Variants in RAB38 observed in about 807,000 individuals in gnomAD.
RAB38 encodes the protein ras-related protein Rab-38.
In RAB38, 15 loss-of-function variants were observed where a neutral mutation model predicts 18.4. The observed-to-expected ratio is 0.82, with a 90% CI of 0.55 to 1.26. The LOEUF is 1.26. Among genes scored for constraint, RAB38 ranks in the 50% most tolerant of loss-of-function variants. RAB38 has a pLI of 0.00. For synonymous variants in RAB38, 101 were observed against 104.4 expected (o/e 0.97, Z 0.20); for missense variants, 294 against 267.4 (o/e 1.10, Z -0.69).
chr11:87,885,721 TTTC>T, the RAB38 span, among the ~76,000 whole-genome samples: 1 of 151,972 alleles, frequency 6.6e-6, no homozygotes, highest in African/African-American at 2.4e-5. Flanking sequence ...CTCATTTTTG[TTTC>T]TTCTTAAAGC....
chr11:88,123,033 C>T (rs1007363797), intron 2 of RAB38, among the ~76,000 whole-genome samples: 3 of 152,160 alleles, frequency 2.0e-5, no homozygotes, highest in South Asian at 2.1e-4. Context: ...TCTTGTTAAA[C>T]GATATACACA....
At chr11:88,067,709 A>T in the RAB38 span, among the ~76,000 whole-genome samples, 4 of 152,094 alleles carry the variant, frequency 2.6e-5, no homozygotes, top group African/African-American at 9.7e-5. Flanking sequence ...TCTATCAAAA[A>T]AAATGAGAAC....
the RAB38 span, among the ~76,000 whole-genome samples, chr11:87,804,962 C>A: frequency 6.6e-6 from 1 of 152,292 alleles, no homozygotes; most frequent in African/African-American, 2.4e-5. Context: ...TCGTTTGTCT[C>A]TCAATATCTC....
the RAB38 span, among the ~76,000 whole-genome samples, chr11:88,039,979 G>T: frequency 3.3e-5 from 5 of 152,110 alleles, no homozygotes; most frequent in South Asian, 6.2e-4. Flanking sequence ...ACAAAAAACT[G>T]GCATTTGCTC....
chr11:87,956,593 T>C, the RAB38 span, among the ~76,000 whole-genome samples: 1 of 151,994 alleles, frequency 6.6e-6, no homozygotes, highest in African/African-American at 2.4e-5. Context: ...TCCACTGGGG[T>C]CTGGGAACTA....
the RAB38 span, among the ~76,000 whole-genome samples, chr11:88,041,039 C>G: frequency 3.9e-5 from 6 of 152,202 alleles, no homozygotes. Context: ...GTGTTCCTCT[C>G]CATTCCCATT....
chr11:88,031,425 G>A, the RAB38 span, among the ~76,000 whole-genome samples: 76 of 151,684 alleles, frequency 5.0e-4, no homozygotes, highest in African/African-American at 1.7e-3. Flanking sequence ...ATTAGGAAAA[G>A]AGGAAGTCAA....
the RAB38 span, among the ~76,000 whole-genome samples, chr11:87,893,624 T>G: frequency 6.6e-6 from 1 of 151,584 alleles, no homozygotes; most frequent in East Asian, 2.0e-4. Context: ...TAAAACTTTT[T>G]CATCTTATAA....
intron 2 of RAB38, among the ~76,000 whole-genome samples, chr11:88,125,190 A>G (rs1028972507): frequency 2.6e-5 from 4 of 152,316 alleles, no homozygotes; most frequent in Non-Finnish European, 5.9e-5. Context: ...TCGAAAAAAT[A>G]TCTTGTGGGC....
At chr11:87,969,811 GCA>G in the RAB38 span, among the ~76,000 whole-genome samples, 3 of 152,026 alleles carry the variant, frequency 2.0e-5, no homozygotes, top group African/African-American at 7.3e-5. Context: ...TTTAGAATTG[GCA>G]ATTTTGTTTT....
the RAB38 span, among the ~76,000 whole-genome samples, chr11:88,036,956 G>A: frequency 6.6e-6 from 1 of 151,902 alleles, no homozygotes; most frequent in Non-Finnish European, 1.5e-5. Context: ...TCCTAGTTTT[G>A]TGTGTGTGTC....
chr11:88,033,268 C>G, the RAB38 span, among the ~76,000 whole-genome samples: 1 of 151,720 alleles, frequency 6.6e-6, no homozygotes, highest in Non-Finnish European at 1.5e-5. Context: ...GGGAGATATA[C>G]CTAATGCTAG....
the RAB38 span, among the ~76,000 whole-genome samples, chr11:87,860,056 C>T: frequency 6.6e-6 from 1 of 151,930 alleles, no homozygotes; most frequent in African/African-American, 2.4e-5. Flanking sequence ...AGGATCTTCC[C>T]TGAATTACTT....
the RAB38 span, among the ~76,000 whole-genome samples, chr11:87,976,616 A>ATAATATATATAATTTTACG: frequency 1.0e-5 from 1 of 99,478 alleles, no homozygotes; most frequent in Non-Finnish European, 1.9e-5. Context: ...CATATTTTAC[A>ATAATATATATAATTTTACG]TGATATATAA....
the RAB38 span, among the ~76,000 whole-genome samples, chr11:87,875,591 T>A: frequency 6.6e-6 from 1 of 151,486 alleles, no homozygotes; most frequent in Non-Finnish European, 1.5e-5. Context: ...TAGTACTGAG[T>A]ATTATAGTTG....
the RAB38 span, among the ~76,000 whole-genome samples, chr11:87,875,507 C>T: frequency 3.3e-5 from 5 of 151,380 alleles, no homozygotes; most frequent in South Asian, 1.0e-3. Flanking sequence ...ATCAATTCAC[C>T]CAAAATTGCT....
the RAB38 span, among the ~76,000 whole-genome samples, chr11:87,896,588 GC>G: frequency 5.9e-5 from 9 of 151,526 alleles, no homozygotes; most frequent in Non-Finnish European, 1.2e-4. Flanking sequence ...TAGTTGTTGG[GC>G]TAGGGAACAG....
chr11:87,938,121 A>C, the RAB38 span, among the ~76,000 whole-genome samples: 1 of 152,104 alleles, frequency 6.6e-6, no homozygotes, highest in Non-Finnish European at 1.5e-5. Context: ...CTGTAAGTGA[A>C]GGTAAAAGTT....
At chr11:87,851,044 C>G in the RAB38 span, among the ~76,000 whole-genome samples, 1 of 152,218 alleles carries the variant, frequency 6.6e-6, no homozygotes, top group Non-Finnish European at 1.5e-5. Flanking sequence ...TCCCCCGTTC[C>G]CCTCAGGGAG....
Sources: allele counts gnomAD v4.1 joint callset (sites outside exome capture counted in the v4.1 genomes callset), GRCh38; gene constraint gnomAD v4.1.1; transcripts MANE v1.5; gene names NCBI Gene and HGNC (gene_info 2026-07-23, HGNC 2026-07-21).